INSL6: variants seen among roughly 807,000 people sequenced by gnomAD.
The protein encoded by INSL6 is insulin like 6.
Under a neutral mutation model 9.4 loss-of-function variants are expected in INSL6, and 16 were observed. The observed-to-expected ratio is 1.70, with a 90% CI of 1.15 to 2.59. The LOEUF (loss-of-function observed/expected upper bound fraction) is 2.59. INSL6 is among the 30% of genes most tolerant of loss of function. The pLI is 0.00. For synonymous variants in INSL6, 154 were observed against 96.9 expected (o/e 1.59, Z -3.46); for missense variants, 391 against 257.3 (o/e 1.52, Z -3.56).
the INSL6 span, among the ~76,000 whole-genome samples, chr9:5,081,054 C>G: frequency 1.3e-4 from 20 of 151,842 alleles, no homozygotes; most frequent in African/African-American, 4.8e-4. Flanking sequence ...CGCCACCACA[C>G]CCGGCTAATT....
At chr9:5,137,038 T>C (rs991101718) in intron 2 of INSL6, among the ~76,000 whole-genome samples, 4 of 151,844 alleles carry the variant, frequency 2.6e-5, no homozygotes, top group African/African-American at 7.3e-5. Context: ...GAGAATAAAA[T>C]ACCCAGGAAT....
chr9:5,062,500 TAAAAAAAAAAA>T, the INSL6 span, among the ~76,000 whole-genome samples: 9 of 58,248 alleles, frequency 1.5e-4, no homozygotes, highest in African/African-American at 6.3e-4. Context: ...CTTCCATTTG[TAAAAAAAAAAA>T]AAAAAAAAAA....
Position 5,163,996 on chromosome 9 carries a change from CT to C in INSL6, c.558del (p.Glu187AsnfsTer15). ...TATGGAAGACATGCAATGCTAAGTT[CT>C]TCTTTTGTACATCCTGTAAGACAAC... ...EKCCLTGCTK[E>X]ELSIACLPYI... On this transcript the variant is annotated frameshift_variant, in exon 2 of 2. Coordinates refer to ENST00000381641, the MANE Select transcript of INSL6 (RefSeq NM_007179.3). LOFTEE classifies it low-confidence loss of function (END_TRUNC). The C allele has an allele frequency of 2.5e-6, 4 of 1,612,966 alleles. No individual in the cohort carries two copies. The highest frequency in any genetic ancestry group is 3.4e-6 in the Non-Finnish European group (4 of 1,179,728).
chr9:5,094,940 A>T, the INSL6 span: 32 of 152,254 alleles, frequency 2.1e-4, no homozygotes, highest in African/African-American at 4.1e-4. Context: ...TTTTATGAAA[A>T]AATTTCCTAC....
In INSL6 at chr9:5,156,973, C is replaced by T. The variant is rs575768002; in HGVS notation, c.376+7206G>A. ...CAGAGGTTGCAGTGAGCTGAGACTG[C>T]GACACTGCACTCCAGCCTGGGTGAC... On this transcript the variant is annotated intron_variant, in intron 2 of 3. Transcript: ENST00000649639. 1.8e-4 allele frequency among the ~76,000 whole-genome samples: 28 copies of T among 152,052 alleles called. No homozygotes were observed. The East Asian group carries it at 3.7e-3, about 20-fold the overall frequency.
chr9:5,037,596 C>T, the INSL6 span, among the ~76,000 whole-genome samples: 1 of 152,126 alleles, frequency 6.6e-6, no homozygotes, highest in South Asian at 2.1e-4. Flanking sequence ...TCTCAGCAAA[C>T]TATCGCAAGG....
chr9:5,057,079 T>A, the INSL6 span, among the ~76,000 whole-genome samples: 1 of 152,174 alleles, frequency 6.6e-6, no homozygotes, highest in South Asian at 2.1e-4. Context: ...ATTTTTTATT[T>A]TAGGGATACA....
chr9:5,124,000 G>C (rs987462444), exon 4 of INSL6, among the ~76,000 whole-genome samples: 4 of 150,908 alleles, frequency 2.7e-5, no homozygotes, highest in African/African-American at 9.7e-5. Flanking sequence ...TTGTCAGTTT[G>C]GGTGTCTTCT....
chr9:5,033,031 C>G, the INSL6 span, among the ~76,000 whole-genome samples: 8 of 152,018 alleles, frequency 5.3e-5, no homozygotes, highest in Non-Finnish European at 1.0e-4. Flanking sequence ...CTAGAATAAC[C>G]AATGCAGAGA....
chr9:5,093,668 C>G, the INSL6 span, among the ~76,000 whole-genome samples: 4 of 152,142 alleles, frequency 2.6e-5, no homozygotes, highest in African/African-American at 4.8e-5. Flanking sequence ...ACTAAGACCA[C>G]AGTAGTCTAA....
the INSL6 span, among the ~76,000 whole-genome samples, chr9:5,060,067 T>C: frequency 6.6e-6 from 1 of 152,226 alleles, no homozygotes; most frequent in East Asian, 1.9e-4. Context: ...TCTCAGTACA[T>C]ATAAAAGTTA....
the INSL6 span, among the ~76,000 whole-genome samples, chr9:5,115,019 C>T: frequency 6.6e-6 from 1 of 152,118 alleles, no homozygotes; most frequent in Admixed American, 6.5e-5. Flanking sequence ...GCAAGGACTT[C>T]ATGACTAAAA....
At chr9:5,162,854 G>A (rs1824956126), downstream of INSL6, among the ~76,000 whole-genome samples, 1 of 152,080 alleles carries the variant, frequency 6.6e-6, no homozygotes. Context: ...ACTAGAGAAC[G>A]ATCTCAAATG....
chr9:5,042,659 G>A, the INSL6 span, among the ~76,000 whole-genome samples: 1 of 152,068 alleles, frequency 6.6e-6, no homozygotes, highest in African/African-American at 2.4e-5. Context: ...TCATCCAAAG[G>A]CCGTTTTCTC....
At chr9:5,090,860 A>G in the INSL6 span, 1 of 1,613,200 alleles carries the variant, frequency 6.2e-7, no homozygotes, top group Non-Finnish European at 8.5e-7. Context: ...GTCTTGCCAC[A>G]AGACAAAGAA....
chr9:5,112,832 C>A, the INSL6 span: 1 of 560,352 alleles, frequency 1.8e-6, no homozygotes, highest in Non-Finnish European at 2.8e-6. Flanking sequence ...AGCCCACAAC[C>A]CCGCTGGGCA....
chr9:5,176,281 C>A (rs12340344), intron 1 of INSL6, among the ~76,000 whole-genome samples: 43,426 of 152,004 alleles, frequency 0.29, 6,225 homozygotes, highest in South Asian at 0.31. Flanking sequence ...ATTGGTCTAC[C>A]CTTACCACAC....
the INSL6 span, among the ~76,000 whole-genome samples, chr9:5,020,934 C>T: frequency 6.6e-6 from 1 of 152,172 alleles, no homozygotes; most frequent in East Asian, 1.9e-4. Flanking sequence ...CTGCTTAGGA[C>T]TCAGGGGTGT....
chr9:5,090,847 A>C, the INSL6 span: 1 of 1,613,432 alleles, frequency 6.2e-7, no homozygotes, highest in Non-Finnish European at 8.5e-7. Context: ...TGGGTTAACC[A>C]AAGTCTTGCC....
Sources: allele counts gnomAD v4.1 joint callset (sites outside exome capture counted in the v4.1 genomes callset), GRCh38; gene constraint gnomAD v4.1.1; transcripts MANE v1.5; gene names NCBI Gene and HGNC (gene_info 2026-07-23, HGNC 2026-07-21).